The following CTNND2 variants were observed in gnomAD, a reference collection of about 807,000 sequenced individuals.
CTNND2 encodes the protein catenin delta 2, also known as catenin delta-2.
Under a neutral mutation model 144.4 loss-of-function variants are expected in CTNND2, and 22 were observed. The ratio of observed to expected loss-of-function variants is 0.15; its 90% CI spans 0.11 to 0.22. The LOEUF (loss-of-function observed/expected upper bound fraction) is 0.22. Ranked by LOEUF, CTNND2 falls within the 10% of genes least tolerant of loss-of-function variation. The pLI is 1.00. For synonymous variants in CTNND2, 751 were observed against 695.6 expected (o/e 1.08, Z -1.25); for missense variants, 1,353 against 1,618.8 (o/e 0.84, Z 2.82).
chr5:11,215,679 G>GA (rs1213041876), intron 10 of CTNND2, among the ~76,000 whole-genome samples: 2 of 152,074 alleles, frequency 1.3e-5, no homozygotes, highest in African/African-American at 4.8e-5. Context: ...CTAAAATGGG[G>GA]AAAAATCTAA....
At chr5:11,618,578 C>G (rs981581707) in intron 2 of CTNND2, among the ~76,000 whole-genome samples, 2 of 152,170 alleles carry the variant, frequency 1.3e-5, no homozygotes, top group African/African-American at 4.8e-5. Context: ...ATTTTGGAGT[C>G]AAATGATAAT....
intron 9 of CTNND2, among the ~76,000 whole-genome samples, chr5:11,268,902 T>C (rs1745725538): frequency 6.6e-6 from 1 of 152,178 alleles, no homozygotes; most frequent in Non-Finnish European, 1.5e-5. Context: ...GTTGCAAAGG[T>C]TTTCAGTAGG....
chr5:11,451,270 A>G (rs1018211523), intron 3 of CTNND2, among the ~76,000 whole-genome samples: 4 of 152,272 alleles, frequency 2.6e-5, no homozygotes, highest in South Asian at 4.1e-4. Flanking sequence ...TATATTTAAC[A>G]TAAGAGTTGA....
chr5:11,606,850 T>C (rs1460754210), intron 2 of CTNND2, among the ~76,000 whole-genome samples: 1 of 152,216 alleles, frequency 6.6e-6, no homozygotes, highest in Non-Finnish European at 1.5e-5. Context: ...TTACACCTTG[T>C]TATGGGTGGA....
At chr5:11,848,044 C>A (rs1794828425) in intron 1 of CTNND2, among the ~76,000 whole-genome samples, 1 of 151,828 alleles carries the variant, frequency 6.6e-6, no homozygotes. Context: ...TCCTAAATTC[C>A]TATAGTAACA....
At chr5:11,241,936 G>A (rs373316038) in intron 9 of CTNND2, among the ~76,000 whole-genome samples, 2 of 151,806 alleles carry the variant, frequency 1.3e-5, no homozygotes, top group East Asian at 3.9e-4. Flanking sequence ...GGGGTGGGGG[G>A]TCGGTTATTT....
intron 3 of CTNND2, among the ~76,000 whole-genome samples, chr5:11,453,556 T>C (rs562084503): frequency 6.6e-6 from 1 of 152,310 alleles, no homozygotes; most frequent in Non-Finnish European, 1.5e-5. Flanking sequence ...ACTCAGAGTA[T>C]CAGACTATCA....
chr5:11,717,036 TG>T (rs1450384815), intron 2 of CTNND2, among the ~76,000 whole-genome samples: 7 of 151,820 alleles, frequency 4.6e-5, no homozygotes, highest in Non-Finnish European at 1.0e-4. Context: ...CCCAGCTAAT[TG>T]TTGTATTTTT....
chr5:11,783,238 C>T lies in CTNND2; in HGVS notation c.38-50966G>A, dbSNP rs182648980. Reference sequence around the variant, plus strand: ...TTTCCTAGTTGGTTTTTCTCCATTGCATAGAGATATTCAGTATACTGCAGA... The same window carrying T: ...TTTCCTAGTTGGTTTTTCTCCATTGTATAGAGATATTCAGTATACTGCAGA... On this transcript the variant is annotated intron_variant, in intron 1 of 21. Coordinates refer to ENST00000304623, the MANE Select transcript of CTNND2 (RefSeq NM_001332.4). Among the ~76,000 whole-genome samples, 433 of 152,284 alleles carry T rather than the reference C, an allele frequency of 2.8e-3. 4 individuals carry two copies. The highest frequency in any genetic ancestry group is 2.7e-3 in the Non-Finnish European group (181 of 68,032).
chr5:11,284,868 A>T (rs1248950823), intron 9 of CTNND2, among the ~76,000 whole-genome samples: 1 of 152,172 alleles, frequency 6.6e-6, no homozygotes, highest in Admixed American at 6.5e-5. Flanking sequence ...TGCCTCTCTC[A>T]CTGTCTGGAC....
rs1333566929 is a variant in CTNND2 at position 11,903,155 on chromosome 5, C to T, written c.37+662G>A. 27 of 982,716 alleles carry T rather than the reference C, an allele frequency of 2.7e-5. No homozygotes were observed. The highest frequency in any genetic ancestry group is 6.1e-5 in the Admixed American group (1 of 16,270). The allele number at this position is 982,716 out of a possible 1,614,324, so 60.9% of individuals were successfully genotyped here. A position where few individuals can be genotyped will look rare whatever the true frequency, so the allele number is the denominator to read the frequency against. On this transcript the variant is annotated intron_variant, in intron 1 of 21. Coordinates refer to ENST00000304623, the MANE Select transcript of CTNND2 (RefSeq NM_001332.4). The surrounding 1 kb of genome is among the most constrained non-coding windows in gnomAD (Gnocchi z 5.4). ...TTGCATCGCTCATCTCCCATACACACGCACAGCCTTCCAAACCTGGCTTTC... is the reference window on the plus strand; with the variant it reads ...TTGCATCGCTCATCTCCCATACACATGCACAGCCTTCCAAACCTGGCTTTC...
chr5:11,418,875 G>GA (rs1218070048), intron 3 of CTNND2, among the ~76,000 whole-genome samples: 1 of 151,642 alleles, frequency 6.6e-6, no homozygotes, highest in Non-Finnish European at 1.5e-5. Flanking sequence ...AAAATACAGA[G>GA]AAAAAAATGG....
At chr5:11,308,766 T>G (rs1750508486) in intron 9 of CTNND2, among the ~76,000 whole-genome samples, 1 of 152,120 alleles carries the variant, frequency 6.6e-6, no homozygotes, top group African/African-American at 2.4e-5. Context: ...TGTACCACAG[T>G]CTATCTGTAT....
chr5:11,436,926 G>A (rs1414071553), intron 3 of CTNND2, among the ~76,000 whole-genome samples: 1 of 152,174 alleles, frequency 6.6e-6, no homozygotes, highest in Admixed American at 6.5e-5. Flanking sequence ...GAAAGGAAGA[G>A]TATCTAAAAA....
At chr5:11,249,002 G>A (rs550936125) in intron 9 of CTNND2, among the ~76,000 whole-genome samples, 11 of 152,206 alleles carry the variant, frequency 7.2e-5, no homozygotes, top group Non-Finnish European at 1.5e-4. Flanking sequence ...ACAAAATGTG[G>A]TCTAATTTGG....
At chr5:11,839,278 T>G (rs1794332966) in intron 1 of CTNND2, among the ~76,000 whole-genome samples, 1 of 152,074 alleles carries the variant, frequency 6.6e-6, no homozygotes, top group South Asian at 2.1e-4. Context: ...TTTGGTCTGC[T>G]AGGGACCAAT....
At chr5:11,680,470 C>T (rs1270954897) in intron 2 of CTNND2, among the ~76,000 whole-genome samples, 2 of 152,100 alleles carry the variant, frequency 1.3e-5, no homozygotes, top group Non-Finnish European at 2.9e-5. Context: ...CCCCACCACG[C>T]ACAGGACATC....
Position 11,110,844 on chromosome 5 carries a change from G to A in CTNND2, c.2463+14C>T. 6.2e-7 allele frequency: 1 copy of A among 1,604,924 alleles called. No homozygotes were observed. Among genetic ancestry groups the A allele is most frequent in the Non-Finnish European group, 8.5e-7 (1 of 1,175,770 alleles). On this transcript the variant is annotated intron_variant, in intron 14 of 21. Coordinates refer to ENST00000304623, the MANE Select transcript of CTNND2 (RefSeq NM_001332.4). Reference sequence around the variant, plus strand: ...AGGGGATAATTGCATGCAGCTGCAAGCAGCCTGCATCACCTGATCTTGGGA... The same window carrying A: ...AGGGGATAATTGCATGCAGCTGCAAACAGCCTGCATCACCTGATCTTGGGA...
At chr5:11,221,627 G>A (rs978860509) in intron 10 of CTNND2, among the ~76,000 whole-genome samples, 5 of 152,186 alleles carry the variant, frequency 3.3e-5, no homozygotes, top group African/African-American at 4.8e-5. Context: ...CACATGATAC[G>A]AAGCCTTCTT....
Sources: gnomAD v4.1 joint callset for allele counts (sites outside exome capture counted in the v4.1 genomes callset) on GRCh38, gnomAD v4.1.1 for gene constraint, Gnocchi (gnomAD v3.1) non-coding constraint, MANE v1.5 for transcripts, NCBI Gene and HGNC (gene_info 2026-07-23, HGNC 2026-07-21) for gene names.